Variants in ICA1 observed in about 807,000 individuals in gnomAD.
ICA1 encodes the protein islet cell autoantigen 1.
Under a neutral mutation model 71.0 loss-of-function variants are expected in ICA1, and 40 were observed. The observed-to-expected ratio is 0.56, with a 90% CI of 0.44 to 0.73. The LOEUF (loss-of-function observed/expected upper bound fraction) is 0.73. ICA1 is among the 30% of genes least tolerant of loss of function. The pLI is 0.00. For missense variants in ICA1, 578 were observed against 576.5 expected, an observed-to-expected ratio of 1.00 and a Z score of -0.03; for synonymous variants, 207 against 209.5, an observed-to-expected ratio of 0.99 and a Z score of 0.10.
intron 1 of ICA1, among the ~76,000 whole-genome samples, chr7:8,252,263 C>T (rs551306483): frequency 6.6e-6 from 1 of 152,282 alleles, no homozygotes; most frequent in Admixed American, 6.5e-5. Flanking sequence ...AATGAAGGAA[C>T]ACCCTAATCA....
chr7:8,171,668 G>A (rs1345520522), intron 6 of ICA1, among the ~76,000 whole-genome samples: 1 of 150,860 alleles, frequency 6.6e-6, no homozygotes, highest in East Asian at 1.9e-4. Context: ...GGTTTAATTT[G>A]TTCTTTTTTC....
At chr7:8,155,147 C>T (rs1464942725) in intron 8 of ICA1, among the ~76,000 whole-genome samples, 5 of 152,126 alleles carry the variant, frequency 3.3e-5, no homozygotes, top group Non-Finnish European at 5.9e-5. Flanking sequence ...AACATTTATT[C>T]TTAATATTAC....
intron 4 of ICA1, chr7:8,227,605 CTTTTT>C: frequency 1.5e-4 from 46 of 311,470 alleles, no homozygotes; most frequent in Admixed American, 2.3e-4. Flanking sequence ...AAGTAGTTGT[CTTTTT>C]TTTTTTTTTT....
chr7:8,245,999 A>AT lies in ICA1; in HGVS notation c.-79-9995_-79-9994insA, dbSNP rs535629137. Among the ~76,000 whole-genome samples, 6 of 152,368 alleles carry AT rather than the reference A, an allele frequency of 3.9e-5. No homozygotes were observed. In the East Asian group the frequency reaches 1.2e-3, roughly 29 times the overall value. ...GTAAAATTGAATAAAGTCTATGATT[A>AT]GCTAATACTTCATGATTCTGCAATG... On this transcript the variant is annotated intron_variant, in intron 1 of 13. Coordinates refer to ENST00000402384, the MANE Select transcript of ICA1 (RefSeq NM_001136020.3).
intron 4 of ICA1, chr7:8,227,582 T>C (rs1798991370): frequency 2.6e-6 from 1 of 383,850 alleles, no homozygotes; most frequent in Non-Finnish European, 5.0e-6. Context: ...TACAATGATT[T>C]TGGACTTTCC....
chr7:8,176,875 G>T lies in ICA1; in HGVS notation c.580-18223C>A, dbSNP rs187656186. 2.0e-4 allele frequency among the ~76,000 whole-genome samples: 30 copies of T among 152,256 alleles called. 1 individual carries two copies. The East Asian group carries it at 5.8e-3, about 29-fold the overall frequency. On this transcript the variant is annotated intron_variant, in intron 6 of 13. Coordinates refer to ENST00000402384, the MANE Select transcript of ICA1 (RefSeq NM_001136020.3). ...TCTATTTCACAAAGAAGGAAAGCAG[G>T]TTTCGGAAACATTAAGCACTCAACT...
At chr7:8,115,333 C>G (rs1784449166) in intron 13 of ICA1, among the ~76,000 whole-genome samples, 1 of 152,106 alleles carries the variant, frequency 6.6e-6, no homozygotes, top group East Asian at 1.9e-4. Flanking sequence ...AGAGAGCTCA[C>G]TGTAGCTTAG....
intron 8 of ICA1, among the ~76,000 whole-genome samples, chr7:8,146,072 G>A (rs1333342054): frequency 6.6e-6 from 1 of 152,134 alleles, no homozygotes; most frequent in Non-Finnish European, 1.5e-5. Flanking sequence ...ATTTAGATTA[G>A]TTCATTCAGT....
intron 13 of ICA1, among the ~76,000 whole-genome samples, chr7:8,114,384 C>G (rs1784120897): frequency 6.6e-6 from 1 of 152,212 alleles, no homozygotes; most frequent in African/African-American, 2.4e-5. Flanking sequence ...ATAGTTATTT[C>G]AGAAATCAGA....
rs187570251 is a variant in ICA1 at position 8,119,871 on chromosome 7, C to A, written c.1331-5827G>T. Among the ~76,000 whole-genome samples, 43 of 152,174 alleles carry A rather than the reference C, an allele frequency of 2.8e-4. No individual in the cohort carries two copies. The East Asian group carries it at 7.7e-3, about 27-fold the overall frequency. On this transcript the variant is annotated intron_variant, in intron 13 of 13. Transcript: ENST00000402384. ...AAAGATAAAAGATAAATAAGAGGAC[C>A]CAGGAATACAAATTATATTTTCAAA...
In ICA1 at chr7:8,173,667, C is replaced by T. The variant is rs1254402087; in HGVS notation, c.580-15015G>A. 6.6e-6 allele frequency among the ~76,000 whole-genome samples: 1 copy of T among 152,266 alleles called. No homozygotes were observed. Among genetic ancestry groups the T allele is most frequent in the East Asian group, 1.9e-4 (1 of 5,186 alleles). Reference sequence around the variant, plus strand: ...ATATAATCTGTTTCCAGTAGCAGGCCTGTCTTTCCAAGGTACTATTTCATG... The same window carrying T: ...ATATAATCTGTTTCCAGTAGCAGGCTTGTCTTTCCAAGGTACTATTTCATG... On this transcript the variant is annotated intron_variant, in intron 6 of 13. Coordinates refer to ENST00000402384, the MANE Select transcript of ICA1 (RefSeq NM_001136020.3). The surrounding 1 kb of genome is among the most constrained non-coding windows in gnomAD (Gnocchi z 4.0).
chr7:8,229,812 G>C (rs976757371), intron 3 of ICA1, among the ~76,000 whole-genome samples: 7 of 152,094 alleles, frequency 4.6e-5, no homozygotes, highest in Non-Finnish European at 8.8e-5. Context: ...GTTTAGTAAA[G>C]AGCCATAAAA....
intron 6 of ICA1, among the ~76,000 whole-genome samples, chr7:8,184,175 G>T (rs984672060): frequency 8.5e-5 from 13 of 152,202 alleles, no homozygotes; most frequent in African/African-American, 3.1e-4. Flanking sequence ...TGGCAAATGT[G>T]GTGCCTAGTC....
rs374549884 is a variant in ICA1 at position 8,221,272 on chromosome 7, C to T, written c.380+3G>A. 140 of 1,613,470 alleles carry T rather than the reference C, an allele frequency of 8.7e-5. No homozygotes were observed. Among genetic ancestry groups the T allele is most frequent in the Non-Finnish European group, 1.1e-4 (132 of 1,179,562 alleles). ...AGATAGAACCCCACTAAAGGCCACACACCTTTGCTGGGAAGAAAAGCAGAG... is the reference window on the plus strand; with the variant it reads ...AGATAGAACCCCACTAAAGGCCACATACCTTTGCTGGGAAGAAAAGCAGAG... On this transcript the variant is annotated splice_donor_region_variant and intron_variant, in intron 5 of 13. Transcript: ENST00000402384.
intron 10 of ICA1, among the ~76,000 whole-genome samples, chr7:8,139,262 T>C (rs1794417287): frequency 1.3e-5 from 2 of 152,228 alleles, no homozygotes; most frequent in African/African-American, 4.8e-5. Flanking sequence ...GTTTGGCAGA[T>C]AACCTGAAAA....
At chr7:8,121,611 G>A (rs917529153) in intron 13 of ICA1, among the ~76,000 whole-genome samples, 2 of 152,224 alleles carry the variant, frequency 1.3e-5, no homozygotes, top group Non-Finnish European at 2.9e-5. Flanking sequence ...GGAAAGGGTG[G>A]TAGGGGATGG....
chr7:8,133,916 T>A (rs952521486), intron 12 of ICA1, among the ~76,000 whole-genome samples: 4 of 147,020 alleles, frequency 2.7e-5, no homozygotes, highest in African/African-American at 7.6e-5. Context: ...ACTTTACAGA[T>A]AAGGAAAAAG....
At chr7:8,219,557 T>C (rs1423398708) in intron 5 of ICA1, among the ~76,000 whole-genome samples, 1 of 152,264 alleles carries the variant, frequency 6.6e-6, no homozygotes, top group Non-Finnish European at 1.5e-5. Context: ...CTGTAAAGTA[T>C]TGTTTTTAAA....
In ICA1 at chr7:8,132,011, A is replaced by G. The variant is rs1040172800; in HGVS notation, c.1061-3869T>C. 4.6e-5 allele frequency among the ~76,000 whole-genome samples: 7 copies of G among 152,194 alleles called. No individual in the cohort carries two copies. On this transcript the variant is annotated intron_variant, in intron 12 of 13. Coordinates refer to ENST00000402384, the MANE Select transcript of ICA1 (RefSeq NM_001136020.3). The surrounding 1 kb of genome is among the most constrained non-coding windows in gnomAD (Gnocchi z 4.5). ...GATGAACAAGGGTTGAGGATCTCTC[A>G]GGTGCCAAACCCACAGATGCTACAC...
Sources: allele counts gnomAD v4.1 joint callset (sites outside exome capture counted in the v4.1 genomes callset), GRCh38; gene constraint gnomAD v4.1.1; non-coding constraint Gnocchi (gnomAD v3.1); transcripts MANE v1.5; gene names NCBI Gene and HGNC (gene_info 2026-07-23, HGNC 2026-07-21).